CRACR2B: variants seen among roughly 807,000 people sequenced by gnomAD.
The protein encoded by CRACR2B is EF-hand calcium-binding domain-containing protein 4A.
In CRACR2B, 50 loss-of-function variants were observed where a neutral mutation model predicts 46.0. That is an observed-to-expected ratio of 1.09 (90% CI 0.87 to 1.38). The LOEUF is 1.38. Among genes scored for constraint, CRACR2B ranks in the 40% most tolerant of loss-of-function variants. The pLI is 0.00. For synonymous variants in CRACR2B, 277 were observed against 239.6 expected (o/e 1.16, Z -1.44); for missense variants, 667 against 535.0 (o/e 1.25, Z -2.43).
Position 831,942 on chromosome 11 carries a change from A to C in CRACR2B, c.*233A>C, listed in dbSNP as rs1846488094. Reference sequence around the variant, plus strand: ...GTCCCCGTTCAATCAACCCCATCTCAGTTCAGCAGAAAACCCCCTCGTCAA... The same window carrying C: ...GTCCCCGTTCAATCAACCCCATCTCCGTTCAGCAGAAAACCCCCTCGTCAA... On this transcript the variant is annotated 3_prime_UTR_variant, in exon 9 of 9. Transcript: ENST00000525077. The C allele has an allele frequency of 2.0e-6, 1 of 502,816 alleles. No homozygotes were observed. The highest frequency in any genetic ancestry group is 2.0e-5 in the African/African-American group (1 of 49,432). 31.1% of individuals were successfully genotyped at this position (502,816 alleles called of 1,614,324 possible). A position where few individuals can be genotyped will look rare whatever the true frequency, so the allele number is the denominator to read the frequency against.
chr11:830,042 T>C lies in CRACR2B; in HGVS notation c.515T>C (p.Leu172Pro), dbSNP rs1412909937. Residue 172 changes from leucine to proline, a missense_variant, in exon 4 of 9, where the codon CTG (leucine) becomes CCG (proline). Transcript: ENST00000525077. ...CTGCAGCGCGAGCGCCCCGAGCTGC[T>C]GGGCTCTTTCGAGGATGTTCTGATA... ...ARLQRERPEL[L>P]GSFEDVLIRA... 2.6e-6 allele frequency: 4 copies of C among 1,567,990 alleles called. No homozygotes were observed. Among genetic ancestry groups the C allele is most frequent in the Non-Finnish European group, 3.4e-6 (4 of 1,162,630 alleles).
At chr11:829,104 C>T (rs776027936) in intron 2 of CRACR2B, 141 bp downstream of exon 2, 50 of 1,298,708 alleles carry the variant, frequency 3.8e-5, no homozygotes, top group Middle Eastern at 1.8e-4. Flanking sequence ...CACGCACTCG[C>T]GCCTGGGGGC....
chr11:831,375 C>A (rs759201172), intron 8 of CRACR2B, 80 bp downstream of exon 8: 10 of 1,521,210 alleles, frequency 6.6e-6, no homozygotes, highest in Non-Finnish European at 8.8e-6. Context: ...TCTTGGCTGC[C>A]GCTCTACTCC....
At chr11:831,504 C>G (rs754823203) in intron 8 of CRACR2B, 31 bp from the exon 9 acceptor site, 1 of 1,550,374 alleles carries the variant, frequency 6.5e-7, no homozygotes, top group Non-Finnish European at 8.7e-7. Flanking sequence ...CTCCCTCAGA[C>G]CCTCTCAGTG....
rs948418369 is a variant in CRACR2B at position 827,941 on chromosome 11, A to G, written c.-667A>G. ...CTCAGTGTTGTGGGGCAAGGGTGTT[A>G]GGTCTCGAATCTGGAAGTGTTCCTG... On this transcript the variant is annotated 5_prime_UTR_variant, in exon 1 of 9. Transcript: ENST00000525077. Among the ~76,000 whole-genome samples the G allele has an allele frequency of 8.5e-5, 13 of 152,174 alleles. No homozygotes were observed. The highest frequency in any genetic ancestry group is 6.5e-4 in the Admixed American group (10 of 15,288).
At position 829,400 on chromosome 11, in the gene CRACR2B, C is replaced by T. The variant is rs1213780335; in HGVS notation, c.318C>T (p.Pro106=). Residue 106 remains proline, a synonymous_variant, in exon 3 of 9, where the codon CCC becomes CCT. Coordinates refer to ENST00000525077, the MANE Select transcript of CRACR2B (RefSeq NM_001286606.2). ...VGVASAQGAN[P]CRTPEETFES... ...TGGCGTCAGCCCAGGGAGCGAACCC[C>T]TGCAGGACTCCCGAGGAGACCTTTG... 1.2e-6 allele frequency: 2 copies of T among 1,611,060 alleles called. No individual in the cohort carries two copies. Among genetic ancestry groups the T allele is most frequent in the African/African-American group, 1.3e-5 (1 of 74,838 alleles).
chr11:830,426 G>T, intron 5 of CRACR2B, 89 bp downstream of exon 5: 7 of 1,536,102 alleles, frequency 4.6e-6, no homozygotes, highest in Non-Finnish European at 6.1e-6. Flanking sequence ...ATCCCTCCCC[G>T]ACGGCCCCAC....
intron 8 of CRACR2B, 60 bp from the exon 9 acceptor site, chr11:831,475 C>A: frequency 1.3e-6 from 2 of 1,514,688 alleles, no homozygotes; most frequent in South Asian, 1.3e-5. Context: ...AGTCGGAGCT[C>A]ACCTCCCCCC....
In CRACR2B at chr11:828,051, G is replaced by A. The variant is rs1048194672; in HGVS notation, c.-557G>A. On this transcript the variant is annotated 5_prime_UTR_variant, in exon 1 of 9. Coordinates refer to ENST00000525077, the MANE Select transcript of CRACR2B (RefSeq NM_001286606.2). ...GCTCAGTTGTGGGGAGGGAGGGGCC[G>A]GTGGGCAGGAGGGAGAAGTCTGCCC... Among the ~76,000 whole-genome samples, 19 of 152,084 alleles carry A rather than the reference G, an allele frequency of 1.2e-4. No homozygotes were observed. Among genetic ancestry groups the A allele is most frequent in the Admixed American group, 2.6e-4 (4 of 15,280 alleles).
chr11:826,938 T>C (rs1845942226), upstream of CRACR2B, among the ~76,000 whole-genome samples: 1 of 152,238 alleles, frequency 6.6e-6, no homozygotes, highest in South Asian at 2.1e-4. Context: ...CACACACTTT[T>C]TGGCGCCTTA....
intron 2 of CRACR2B, 196 bp downstream of exon 2, chr11:829,159 A>G: frequency 7.6e-7 from 1 of 1,309,404 alleles, no homozygotes; most frequent in Non-Finnish European, 1.1e-6. Context: ...CCTGGCCCCC[A>G]GCTCCTCTCC....
Position 828,846 on chromosome 11 carries a change from G to C in CRACR2B, c.166-6G>C, listed in dbSNP as rs371173369. ...CGGCTCATCTCTGCTCTCCTTCCCC[G>C]ACCAGGGTCTCCAGAGCGACCTGCC... On this transcript the variant is annotated splice_region_variant and splice_polypyrimidine_tract_variant and intron_variant, in intron 1 of 8. Transcript: ENST00000525077. The C allele has an allele frequency of 1.2e-6, 2 of 1,610,896 alleles. No individual in the cohort carries two copies. The highest frequency in any genetic ancestry group is 1.7e-6 in the Non-Finnish European group (2 of 1,179,512).
rs993394629 is a variant in CRACR2B at position 831,887 on chromosome 11, C to A, written c.*178C>A. 1.5e-6 allele frequency: 1 copy of A among 649,630 alleles called. No homozygotes were observed. 40.2% of individuals were successfully genotyped at this position (649,630 alleles called of 1,614,324 possible). On this transcript the variant is annotated 3_prime_UTR_variant, in exon 9 of 9. Transcript: ENST00000525077. ...CAGGGTCCCGGGAGTGGCCAGGGTCCCGTGTGTGCCCTCTGCCAGTCTTCG... is the reference window on the plus strand; with the variant it reads ...CAGGGTCCCGGGAGTGGCCAGGGTCACGTGTGTGCCCTCTGCCAGTCTTCG...
chr11:828,239 C>G lies in CRACR2B; in HGVS notation c.-369C>G. On this transcript the variant is annotated 5_prime_UTR_variant, in exon 1 of 9. Coordinates refer to ENST00000525077, the MANE Select transcript of CRACR2B (RefSeq NM_001286606.2). Reference sequence around the variant, plus strand: ...AGCCTGCTCCTCTCAGCTTTCAGGACCCCACCTTCCTTATCACCAGGTCTT... The same window carrying G: ...AGCCTGCTCCTCTCAGCTTTCAGGAGCCCACCTTCCTTATCACCAGGTCTT... 8.1e-6 allele frequency: 2 copies of G among 245,490 alleles called. No homozygotes were observed. The highest frequency in any genetic ancestry group is 1.2e-4 in the East Asian group (1 of 8,062). 15.2% of individuals were successfully genotyped at this position (245,490 alleles called of 1,614,324 possible).
chr11:830,848 C>T lies in CRACR2B; in HGVS notation c.787-18C>T. The T allele has an allele frequency of 6.6e-7, 1 of 1,509,754 alleles. No homozygotes were observed. 93.5% of individuals were successfully genotyped at this position (1,509,754 alleles called of 1,614,324 possible). A position where few individuals can be genotyped will look rare whatever the true frequency, so the allele number is the denominator to read the frequency against. ...AGAGGGGGCGTTCCTCGCCGGTCTC[C>T]ATCCTTCCACCCTCCAGTTAGAGCA... On this transcript the variant is annotated intron_variant, in intron 6 of 8. Coordinates refer to ENST00000525077, the MANE Select transcript of CRACR2B (RefSeq NM_001286606.2).
At position 831,937 on chromosome 11, in the gene CRACR2B, A is replaced by ATC. The variant is rs968797396; in HGVS notation, c.*231_*232dup. On this transcript the variant is annotated 3_prime_UTR_variant, in exon 9 of 9. Transcript: ENST00000525077. ...GCTCTGTCCCCGTTCAATCAACCCC[A>ATC]TCTCAGTTCAGCAGAAAACCCCCTC... 18 of 505,392 alleles carry ATC rather than the reference A, an allele frequency of 3.6e-5. No homozygotes were observed. In the African/African-American group the frequency reaches 3.7e-4, roughly 10 times the overall value. 31.3% of individuals were successfully genotyped at this position (505,392 alleles called of 1,614,324 possible). A position where few individuals can be genotyped will look rare whatever the true frequency, so the allele number is the denominator to read the frequency against.
chr11:827,484 G>C (rs1590186451), upstream of CRACR2B: 1 of 955,464 alleles, frequency 1.0e-6, no homozygotes, highest in South Asian at 4.8e-5. Context: ...GTCCCCCAGA[G>C]TTTCGGGGAG....
upstream of CRACR2B, chr11:826,338 C>G (rs1040048202): frequency 3.9e-5 from 6 of 152,336 alleles, no homozygotes; most frequent in African/African-American, 9.6e-5. Flanking sequence ...TTTCTCCCCC[C>G]ACAGGAGGGT....
At position 828,000 on chromosome 11, in the gene CRACR2B, T is replaced by C. The variant is rs554806535; in HGVS notation, c.-608T>C. On this transcript the variant is annotated 5_prime_UTR_variant, in exon 1 of 9. Transcript: ENST00000525077. ...GTCAGAGGCGAAGGGCTCTGCAGGCTGGGACCTTGCCCCTGCACTCTGTGG... is the reference window on the plus strand; with the variant it reads ...GTCAGAGGCGAAGGGCTCTGCAGGCCGGGACCTTGCCCCTGCACTCTGTGG... Among the ~76,000 whole-genome samples the C allele has an allele frequency of 2.6e-5, 4 of 152,046 alleles. No homozygotes were observed. Among genetic ancestry groups the C allele is most frequent in the Non-Finnish European group, 5.9e-5 (4 of 67,978 alleles).
Sources: gnomAD v4.1 joint callset for allele counts (sites outside exome capture counted in the v4.1 genomes callset) on GRCh38, gnomAD v4.1.1 for gene constraint, MANE v1.5 for transcripts, NCBI Gene and HGNC (gene_info 2026-07-23, HGNC 2026-07-21) for gene names.